DHRS7B: variants seen among roughly 807,000 people sequenced by gnomAD.
DHRS7B encodes the protein peroxisomal reductase activating PPAR-gamma.
DHRS7B carries 24 observed loss-of-function variants against 26.4 expected under a neutral mutation model. That is an observed-to-expected ratio of 0.91 (90% CI 0.66 to 1.28). The LOEUF (loss-of-function observed/expected upper bound fraction) is 1.28. Among genes scored for constraint, DHRS7B ranks in the 50% most tolerant of loss-of-function variants. The pLI, the probability that DHRS7B is intolerant of heterozygous loss-of-function variation, is 0.00. For missense variants in DHRS7B, 368 were observed against 419.4 expected, an observed-to-expected ratio of 0.88 and a Z score of 1.07; for synonymous variants, 142 against 166.4, an observed-to-expected ratio of 0.85 and a Z score of 1.13.
At position 21,191,277 on chromosome 17, in the gene DHRS7B, A is replaced by G. The variant is rs1187890464; in HGVS notation, c.*124A>G. The stretch of plus-strand genomic sequence containing the variant: ...GTCTCACAAGTGGGAAAGACTGAAG[A>G]AACACATCTCGTGCAGATCTGCTGG... On this transcript the variant is annotated 3_prime_UTR_variant, in exon 7 of 7. Coordinates refer to ENST00000395511, the MANE Select transcript of DHRS7B (RefSeq NM_015510.5). 1.5e-5 allele frequency: 15 copies of G among 1,016,318 alleles called. No homozygotes were observed. The South Asian group carries it at 2.1e-4, about 14-fold the overall frequency. The allele number at this position is 1,016,318 out of a possible 1,614,324, so 63.0% of individuals were successfully genotyped here. A position where few individuals can be genotyped will look rare whatever the true frequency, so the allele number is the denominator to read the frequency against.
intron 5 of DHRS7B, among the ~76,000 whole-genome samples, chr17:21,185,726 C>T (rs1183700038): frequency 1.3e-5 from 2 of 151,656 alleles, no homozygotes; most frequent in Non-Finnish European, 2.9e-5. Context: ...TCACTCTTCT[C>T]GCCCAGGCTA....
chr17:21,168,006 G>A (rs778807298), intron 1 of DHRS7B, among the ~76,000 whole-genome samples: 1 of 152,206 alleles, frequency 6.6e-6, no homozygotes, highest in Non-Finnish European at 1.5e-5. Flanking sequence ...CTGTGAAGCT[G>A]TCCTTTTAGC....
chr17:21,180,165 C>T (rs979861032), intron 3 of DHRS7B, among the ~76,000 whole-genome samples: 2 of 151,500 alleles, frequency 1.3e-5, no homozygotes, highest in African/African-American at 2.4e-5. Flanking sequence ...AGCTCCGCCT[C>T]CCAGGTTCAA....
chr17:21,130,261 G>A (rs556134594), intron 1 of DHRS7B, among the ~76,000 whole-genome samples: 5 of 152,264 alleles, frequency 3.3e-5, no homozygotes, highest in Admixed American at 3.3e-4. Context: ...GTGGTGGCGT[G>A]TGCCTGTAAT....
At chr17:21,142,993 A>G (rs1185748036) in intron 1 of DHRS7B, among the ~76,000 whole-genome samples, 2 of 152,200 alleles carry the variant, frequency 1.3e-5, no homozygotes, top group South Asian at 2.1e-4. Context: ...CCGTGGCACA[A>G]TCTTGGCTCA....
chr17:21,132,045 A>G (rs557543969), intron 1 of DHRS7B, among the ~76,000 whole-genome samples: 2 of 152,306 alleles, frequency 1.3e-5, no homozygotes, highest in South Asian at 4.1e-4. Context: ...TTGAGTTGTT[A>G]AAACTTCAGA....
At chr17:21,188,980 T>A in intron 6 of DHRS7B, 117 bp downstream of exon 6, 2 of 1,392,390 alleles carry the variant, frequency 1.4e-6, no homozygotes, top group Admixed American at 2.1e-5. Context: ...ACTTTTAAAG[T>A]GAAAAAAACT....
chr17:21,174,224 C>T (rs371413700), intron 2 of DHRS7B, among the ~76,000 whole-genome samples: 5 of 152,358 alleles, frequency 3.3e-5, no homozygotes, highest in African/African-American at 1.2e-4. Flanking sequence ...GCCGTGTCAG[C>T]CACCCGGAAG....
chr17:21,167,329 C>T (rs1242666972), intron 1 of DHRS7B, among the ~76,000 whole-genome samples: 5 of 152,092 alleles, frequency 3.3e-5, no homozygotes, highest in African/African-American at 4.8e-5. Context: ...TCACCCTTAG[C>T]GGGACTTTGC....
At chr17:21,142,617 A>T (rs543950466) in intron 1 of DHRS7B, among the ~76,000 whole-genome samples, 7 of 152,208 alleles carry the variant, frequency 4.6e-5, no homozygotes, top group Admixed American at 1.3e-4. Context: ...TATATGTAAG[A>T]AGTACATTAG....
chr17:21,172,388 A>C, intron 2 of DHRS7B, 192 bp downstream of exon 2: 2 of 423,852 alleles, frequency 4.7e-6, no homozygotes, highest in East Asian at 8.2e-5. Flanking sequence ...GTGAGAAATG[A>C]CTCAGCGTCA....
At chr17:21,171,848 T>C (rs1974254418) in intron 1 of DHRS7B, 170 bp from the exon 2 acceptor site, 5 of 804,462 alleles carry the variant, frequency 6.2e-6, no homozygotes, top group Non-Finnish European at 1.1e-5. Flanking sequence ...AGTTCTACAA[T>C]GCTGAACAGT....
At chr17:21,129,704 C>CAAAAAAAAAAAAA (rs61077377) in intron 1 of DHRS7B, among the ~76,000 whole-genome samples, 1 of 74,780 alleles carries the variant, frequency 1.3e-5, no homozygotes, top group Non-Finnish European at 2.6e-5. Flanking sequence ...GACCCTGACT[C>CAAAAAAAAAAAAA]AAAAAAAAAA....
intron 5 of DHRS7B, among the ~76,000 whole-genome samples, chr17:21,188,456 G>A (rs1027483861): frequency 2.6e-5 from 4 of 152,154 alleles, no homozygotes; most frequent in African/African-American, 9.7e-5. Context: ...AATGAACATT[G>A]TTATAATACT....
At chr17:21,139,624 A>G (rs2143907475) in intron 1 of DHRS7B, among the ~76,000 whole-genome samples, 1 of 152,240 alleles carries the variant, frequency 6.6e-6, no homozygotes, top group African/African-American at 2.4e-5. Flanking sequence ...CAGTGAGCCA[A>G]GATCGCGCCA....
chr17:21,177,037 C>T (rs1356551531), intron 2 of DHRS7B, among the ~76,000 whole-genome samples: 1 of 152,224 alleles, frequency 6.6e-6, no homozygotes, highest in South Asian at 2.1e-4. Context: ...TAGTCCTCCA[C>T]CCCCAGTTCT....
At chr17:21,150,105 TAAAAAAAAAA>T (rs61516968) in intron 1 of DHRS7B, among the ~76,000 whole-genome samples, 1 of 50,074 alleles carries the variant, frequency 2.0e-5, no homozygotes. Flanking sequence ...CATCTCTATT[TAAAAAAAAAA>T]AAAAAAAAAA....
chr17:21,164,032 T>TC (rs1234656654), intron 1 of DHRS7B, among the ~76,000 whole-genome samples: 35 of 135,832 alleles, frequency 2.6e-4, no homozygotes, highest in Non-Finnish European at 3.1e-5. Flanking sequence ...TTGTTGTGCT[T>TC]TTTTTTTTTT....
At chr17:21,164,125 C>G (rs1445457434) in intron 1 of DHRS7B, among the ~76,000 whole-genome samples, 2 of 149,308 alleles carry the variant, frequency 1.3e-5, no homozygotes, top group Non-Finnish European at 3.0e-5. Context: ...AACTCCTGGG[C>G]TCAGGCAATC....
Sources: allele counts gnomAD v4.1 joint callset (sites outside exome capture counted in the v4.1 genomes callset), GRCh38; gene constraint gnomAD v4.1.1; transcripts MANE v1.5; gene names NCBI Gene and HGNC (gene_info 2026-07-23, HGNC 2026-07-21).